PITPNC1: variants seen among roughly 807,000 people sequenced by gnomAD.
PITPNC1 encodes cytoplasmic phosphatidylinositol transfer protein 1.
In PITPNC1, 18 loss-of-function variants were observed where a neutral mutation model predicts 44.7. That is an observed-to-expected ratio of 0.40 (90% CI 0.28 to 0.60). The LOEUF is 0.60. Among genes scored for constraint, PITPNC1 ranks in the 20% least tolerant of loss-of-function variants. The probability of loss-of-function intolerance (pLI) is 0.39; values close to 1 mark genes in which losing one functional copy is unlikely to be tolerated. For missense variants in PITPNC1, 290 were observed against 418.4 expected (o/e 0.69, Z 2.68); for synonymous variants, 141 against 149.6 (o/e 0.94, Z 0.42).
chr17:67,625,974 G>GTT (rs113293503), intron 5 of PITPNC1, among the ~76,000 whole-genome samples: 20 of 133,524 alleles, frequency 1.5e-4, no homozygotes, highest in African/African-American at 5.2e-4. Context: ...TGGTTTGTTT[G>GTT]TTGTTTTTTT....
chr17:67,635,275 G>A (rs1025445722), intron 6 of PITPNC1, among the ~76,000 whole-genome samples: 3 of 152,298 alleles, frequency 2.0e-5, no homozygotes, highest in Non-Finnish European at 4.4e-5. Flanking sequence ...GGCAGAGATG[G>A]ACAGGAGCAG....
intron 5 of PITPNC1, among the ~76,000 whole-genome samples, chr17:67,587,318 T>C (rs2144249616): frequency 2.7e-5 from 4 of 146,324 alleles, no homozygotes; most frequent in East Asian, 4.0e-4. Flanking sequence ...GAGACCCCCA[T>C]CTCTACAAAA....
chr17:67,449,079 C>T (rs377267540), intron 1 of PITPNC1, among the ~76,000 whole-genome samples: 8 of 152,196 alleles, frequency 5.3e-5, no homozygotes, highest in Non-Finnish European at 1.2e-4. Flanking sequence ...GTACATTGAT[C>T]TTCTAAGTAT....
chr17:67,601,053 A>AGAAT (rs2041532916), intron 5 of PITPNC1, among the ~76,000 whole-genome samples: 1 of 152,110 alleles, frequency 6.6e-6, no homozygotes, highest in South Asian at 2.1e-4. Context: ...TGGAAAAGAG[A>AGAAT]GAATGTGTGT....
At chr17:67,599,024 ATATATATATAT>A (rs1172091960) in intron 5 of PITPNC1, among the ~76,000 whole-genome samples, 2,106 of 35,800 alleles carry the variant, frequency 0.059, 32 homozygotes, top group Non-Finnish European at 0.071. Context: ...ATATATATAT[ATATATATATAT>A]TTTTTTTTTT....
At chr17:67,485,370 A>ATTTTTTTTTTTTTTTTTTTTTTTT (rs56863875) in intron 1 of PITPNC1, among the ~76,000 whole-genome samples, 1 of 122,180 alleles carries the variant, frequency 8.2e-6, no homozygotes. Flanking sequence ...TAGTTGGGTG[A>ATTTTTTTTTTTTTTTTTTTTTTTT]TTTTTTTTTT....
intron 6 of PITPNC1, among the ~76,000 whole-genome samples, chr17:67,651,442 C>T (rs2042208498): frequency 6.6e-6 from 1 of 151,786 alleles, no homozygotes; most frequent in Non-Finnish European, 1.5e-5. Context: ...GAACTTGGGA[C>T]GTGGTGGTTG....
intron 1 of PITPNC1, among the ~76,000 whole-genome samples, chr17:67,393,368 C>A (rs772973577): frequency 3.9e-5 from 6 of 151,922 alleles, no homozygotes; most frequent in Non-Finnish European, 7.4e-5. Flanking sequence ...ATCCTACTTT[C>A]TGTCTCTGTG....
chr17:67,419,286 G>A (rs1444420693), intron 1 of PITPNC1, among the ~76,000 whole-genome samples: 1 of 152,126 alleles, frequency 6.6e-6, no homozygotes, highest in Non-Finnish European at 1.5e-5. Flanking sequence ...TCTCCCAATG[G>A]TTCCATCAGT....
chr17:67,398,800 A>G (rs1023944204), intron 1 of PITPNC1, among the ~76,000 whole-genome samples: 17 of 152,082 alleles, frequency 1.1e-4, no homozygotes, highest in African/African-American at 3.6e-4. Flanking sequence ...GCACGTCACA[A>G]TCCGATCGAG....
chr17:67,623,766 TA>T (rs2041862587), intron 5 of PITPNC1, among the ~76,000 whole-genome samples: 1 of 152,226 alleles, frequency 6.6e-6, no homozygotes, highest in African/African-American at 2.4e-5. Context: ...GCCTGGATCT[TA>T]AACCATCAAA....
chr17:67,440,925 A>C (rs190523186), intron 1 of PITPNC1, among the ~76,000 whole-genome samples: 4 of 152,228 alleles, frequency 2.6e-5, no homozygotes, highest in African/African-American at 7.2e-5. Context: ...ATAAATACCA[A>C]ATAAACAACA....
At chr17:67,645,343 GAA>G (rs57827214) in intron 6 of PITPNC1, among the ~76,000 whole-genome samples, 3 of 81,296 alleles carry the variant, frequency 3.7e-5, no homozygotes. Flanking sequence ...CTCCATCTCA[GAA>G]AAAAAAAAAA....
chr17:67,675,558 C>T lies in PITPNC1; in HGVS notation c.682+16C>T, dbSNP rs1429738948. 6.5e-7 allele frequency: 1 copy of T among 1,550,160 alleles called. No homozygotes were observed. Among genetic ancestry groups the T allele is most frequent in the Admixed American group, 1.7e-5 (1 of 59,912 alleles). ...GAGTGGTATGGTAAGTCAATTTCTC[C>T]AAAATAACTTGTAGAACAACTTCAT... is the stretch of plus-strand genomic sequence containing the variant. On this transcript the variant is annotated intron_variant, in intron 8 of 8. Transcript: ENST00000581322.
intron 2 of PITPNC1, among the ~76,000 whole-genome samples, chr17:67,548,963 A>C (rs1295071809): frequency 6.6e-6 from 1 of 152,200 alleles, no homozygotes; most frequent in Non-Finnish European, 1.5e-5. Flanking sequence ...CTGATAAATC[A>C]TTGCTGCAGG....
chr17:67,517,653 A>G (rs2040275361), intron 1 of PITPNC1, among the ~76,000 whole-genome samples: 1 of 152,250 alleles, frequency 6.6e-6, no homozygotes, highest in South Asian at 2.1e-4. Flanking sequence ...GGAGTCAGTG[A>G]CAAAAGGCCA....
At chr17:67,427,898 G>T (rs2038795782) in intron 1 of PITPNC1, among the ~76,000 whole-genome samples, 1 of 152,180 alleles carries the variant, frequency 6.6e-6, no homozygotes, top group Non-Finnish European at 1.5e-5. Context: ...ATACCTAAGT[G>T]TCTGAAATGA....
At chr17:67,483,109 C>G (rs2039725968) in intron 1 of PITPNC1, among the ~76,000 whole-genome samples, 1 of 152,196 alleles carries the variant, frequency 6.6e-6, no homozygotes, top group African/African-American at 2.4e-5. Context: ...CTGGGATGAA[C>G]TGGGAGTGGC....
At chr17:67,504,681 A>T (rs1161659721) in intron 1 of PITPNC1, among the ~76,000 whole-genome samples, 1 of 152,048 alleles carries the variant, frequency 6.6e-6, no homozygotes, top group Non-Finnish European at 1.5e-5. Context: ...AATTTTGTTG[A>T]TCCTTTCAAA....
Sources: allele counts gnomAD v4.1 joint callset (sites outside exome capture counted in the v4.1 genomes callset), GRCh38; gene constraint gnomAD v4.1.1; transcripts MANE v1.5; gene names NCBI Gene and HGNC (gene_info 2026-07-23, HGNC 2026-07-21).